Variants in HEATR5B observed in about 807,000 individuals in gnomAD.
The protein encoded by HEATR5B is HEAT repeat containing 5B.
In HEATR5B, 156 loss-of-function variants were observed where a neutral mutation model predicts 224.1. That is an observed-to-expected ratio of 0.70 (90% CI 0.61 to 0.80). HEATR5B has a LOEUF of 0.80. Ranked by LOEUF, HEATR5B falls within the 30% of genes least tolerant of loss-of-function variation. HEATR5B has a pLI of 0.00. For missense variants in HEATR5B, 2,323 were observed against 2,535.5 expected (o/e 0.92, Z 1.80); for synonymous variants, 1,027 against 893.0 (o/e 1.15, Z -2.68).
At chr2:37,011,944 A>G (rs1667814216) in intron 27 of HEATR5B, among the ~76,000 whole-genome samples, 1 of 152,196 alleles carries the variant, frequency 6.6e-6, no homozygotes, top group African/African-American at 2.4e-5. Context: ...CTGAATAGAC[A>G]CTGCCAAATG....
intron 23 of HEATR5B, 125 bp from the exon 24 acceptor site, chr2:37,028,299 T>A: frequency 1.8e-6 from 1 of 567,680 alleles, no homozygotes; most frequent in Non-Finnish European, 2.8e-6. Flanking sequence ...TGGAAAACAG[T>A]AAAACTAGCA....
intron 20 of HEATR5B, 113 bp downstream of exon 20, chr2:37,040,216 T>G (rs1669786366): frequency 2.3e-6 from 2 of 854,868 alleles, no homozygotes; most frequent in Non-Finnish European, 3.8e-6. Flanking sequence ...AAGTATTCAG[T>G]ACATAGTAAT....
At chr2:37,067,428 C>T (rs187917649) in intron 8 of HEATR5B, among the ~76,000 whole-genome samples, 1 of 152,264 alleles carries the variant, frequency 6.6e-6, no homozygotes, top group East Asian at 1.9e-4. Flanking sequence ...TTAATTTAAA[C>T]ACTTTAATTC....
chr2:37,019,450 TCC>T (rs1668328840), intron 26 of HEATR5B, among the ~76,000 whole-genome samples: 1 of 151,464 alleles, frequency 6.6e-6, no homozygotes, highest in Admixed American at 6.6e-5. Flanking sequence ...ATTTTGTTTT[TCC>T]TCTCTCTCTT....
At chr2:37,061,187 T>C (rs1671259886) in intron 11 of HEATR5B, among the ~76,000 whole-genome samples, 1 of 152,186 alleles carries the variant, frequency 6.6e-6, no homozygotes, top group South Asian at 2.1e-4. Flanking sequence ...GCAATTTATG[T>C]GGTTAATTTA....
intron 18 of HEATR5B, among the ~76,000 whole-genome samples, chr2:37,048,313 T>C (rs987530103): frequency 6.6e-6 from 1 of 151,846 alleles, no homozygotes; most frequent in South Asian, 2.1e-4. Context: ...GCCTCCCAAG[T>C]AGATGGGACG....
At chr2:37,034,389 G>A (rs1293721538) in intron 21 of HEATR5B, among the ~76,000 whole-genome samples, 12 of 141,518 alleles carry the variant, frequency 8.5e-5, no homozygotes, top group South Asian at 2.3e-4. Context: ...CGAGGCGGGC[G>A]GATCACGAGG....
chr2:37,053,442 G>C (rs1429615306), intron 17 of HEATR5B, 60 bp downstream of exon 17: 4 of 867,404 alleles, frequency 4.6e-6, no homozygotes, highest in Non-Finnish European at 7.2e-6. Flanking sequence ...GCTATGTCTG[G>C]CTTATTAAAT....
At chr2:37,078,884 AT>A (rs1672385316) in intron 3 of HEATR5B, among the ~76,000 whole-genome samples, 1 of 152,178 alleles carries the variant, frequency 6.6e-6, no homozygotes, top group Non-Finnish European at 1.5e-5. Flanking sequence ...CCCAACTAGA[AT>A]TTCCAACTAC....
At chr2:37,037,432 A>C (rs1458394679) in intron 21 of HEATR5B, among the ~76,000 whole-genome samples, 1 of 151,822 alleles carries the variant, frequency 6.6e-6, no homozygotes, top group Non-Finnish European at 1.5e-5. Context: ...TGTGAGCCAC[A>C]GCGCCTGGCC....
intron 15 of HEATR5B, among the ~76,000 whole-genome samples, chr2:37,056,991 A>C (rs1324816075): frequency 6.6e-6 from 1 of 152,174 alleles, no homozygotes; most frequent in Non-Finnish European, 1.5e-5. Flanking sequence ...CTACTAACTC[A>C]TTCCTCTCCA....
chr2:36,985,621 CTT>C (rs558499229), intron 35 of HEATR5B, among the ~76,000 whole-genome samples: 15,310 of 87,470 alleles, frequency 0.18, 698 homozygotes, highest in Non-Finnish European at 0.21. Context: ...CCACTCCTGG[CTT>C]TTTTTTTTTT....
In HEATR5B at chr2:37,083,260, G is replaced by A. The variant is rs762471958; in HGVS notation, c.126+29C>T. The A allele has an allele frequency of 3.7e-6, 6 of 1,612,328 alleles. No homozygotes were observed. In the South Asian group the frequency reaches 4.4e-5, roughly 12 times the overall value. Reference sequence around the variant, plus strand: ...GACCACATAATCTCTTCACGTTAATGCAACTGGGAAAAAAGAGCAATACCA... The same window carrying A: ...GACCACATAATCTCTTCACGTTAATACAACTGGGAAAAAAGAGCAATACCA... On this transcript the variant is annotated intron_variant, in intron 2 of 35. Transcript: ENST00000233099.
chr2:36,982,978 G>A (rs1665686861), intron 35 of HEATR5B, among the ~76,000 whole-genome samples: 1 of 151,506 alleles, frequency 6.6e-6, no homozygotes, highest in Non-Finnish European at 1.5e-5. Flanking sequence ...CATGAGATCA[G>A]GGACCTTTGC....
chr2:36,995,642 T>A (rs1431762501), intron 33 of HEATR5B, among the ~76,000 whole-genome samples: 2 of 152,180 alleles, frequency 1.3e-5, no homozygotes, highest in East Asian at 1.9e-4. Context: ...CCAGTAATAG[T>A]TTAAAAATTA....
At chr2:36,994,973 A>C (rs1465445559) in intron 33 of HEATR5B, among the ~76,000 whole-genome samples, 1 of 151,152 alleles carries the variant, frequency 6.6e-6, no homozygotes, top group Non-Finnish European at 1.5e-5. Flanking sequence ...GATGGTCTCG[A>C]TCTCCTGACT....
rs1336865968 is a variant in HEATR5B at position 37,079,256 on chromosome 2, T to C, written c.202A>G (p.Thr68Ala). Reference sequence around the variant, plus strand: ...AGATTTTTAGCTAATAATTTTCGTGTAGGTGGTCCAGGTGAACTACTTATT... The same window carrying C: ...AGATTTTTAGCTAATAATTTTCGTGCAGGTGGTCCAGGTGAACTACTTATT... Reference protein sequence around the residue: ...GLISSSPGPPTRKLLAKNLAA... With the variant: ...GLISSSPGPPARKLLAKNLAA... Residue 68 changes from threonine (T) to alanine (A), a missense_variant, in exon 3 of 36, where the codon ACA (threonine) becomes GCA (alanine). Thr to Ala is a moderately conservative substitution (Grantham distance 58, BLOSUM62 0). Coordinates refer to ENST00000233099, the MANE Select transcript of HEATR5B (RefSeq NM_019024.3). 2 of 1,612,622 alleles carry C rather than the reference T, an allele frequency of 1.2e-6. No individual in the cohort carries two copies. Among genetic ancestry groups the C allele is most frequent in the Non-Finnish European group, 1.7e-6 (2 of 1,178,848 alleles).
intron 35 of HEATR5B, 54 bp downstream of exon 35, chr2:36,988,592 A>T: frequency 1.4e-6 from 2 of 1,440,856 alleles, no homozygotes; most frequent in East Asian, 4.6e-5. Context: ...TAAGATTTAT[A>T]TACAATACAG....
At position 37,037,884 on chromosome 2, in the gene HEATR5B, T is replaced by A; in HGVS notation, c.3187A>T (p.Asn1063Tyr). 1 of 1,591,468 alleles carries A rather than the reference T, an allele frequency of 6.3e-7. No individual in the cohort carries two copies. ...QLHMFAPRHV[N>Y]LSSLVPSLCV... ...AGGCTAGGAACAAGGCTAGATAGAT[T>A]GACATGTCGTGGTGCAAACATGTGA... The change falls in exon 21 of 36, where the codon AAT becomes TAT. Residue 1063 changes from asparagine to tyrosine, a missense_variant. This residue lies in a region of HEATR5B where 88 missense variants were observed against 86.8 expected (regional missense o/e 1.01). Coordinates refer to ENST00000233099, the MANE Select transcript of HEATR5B (RefSeq NM_019024.3).
Sources: gnomAD v4.1 joint callset for allele counts (sites outside exome capture counted in the v4.1 genomes callset) on GRCh38, gnomAD v4.1.1 for gene constraint, gnomAD v4.1.1 regional missense constraint, MANE v1.5 for transcripts, NCBI Gene and HGNC (gene_info 2026-07-23, HGNC 2026-07-21) for gene names.